The following MSL2 variants were observed in gnomAD, a reference collection of about 807,000 sequenced individuals.
The protein encoded by MSL2 is MSL complex subunit 2, also known as E3 ubiquitin-protein ligase MSL2.
In MSL2, 2 loss-of-function variants were observed where a neutral mutation model predicts 35.8. The ratio of observed to expected loss-of-function variants is 0.06; its 90% CI spans 0.02 to 0.18. The LOEUF is 0.18. Ranked by LOEUF, MSL2 falls within the 10% of genes least tolerant of loss-of-function variation. The pLI, the probability that MSL2 is intolerant of heterozygous loss-of-function variation, is 1.00. For missense variants in MSL2, 523 were observed against 706.7 expected, an observed-to-expected ratio of 0.74 and a Z score of 2.95; for synonymous variants, 296 against 255.7, an observed-to-expected ratio of 1.16 and a Z score of -1.50.
chr3:136,180,807 AGGGAAGGAG>A (rs1940331081), intron 1 of MSL2, among the ~76,000 whole-genome samples: 1 of 104,494 alleles, frequency 9.6e-6, no homozygotes, highest in Non-Finnish European at 2.0e-5. Flanking sequence ...GGAGGGAGGG[AGGGAAGGAG>A]GGAAGGAAGG....
At chr3:136,169,232 G>C (rs1187401519) in intron 1 of MSL2, among the ~76,000 whole-genome samples, 4 of 44,034 alleles carry the variant, frequency 9.1e-5, no homozygotes, top group East Asian at 6.0e-4. Context: ...TTGTTTTGGC[G>C]GGGGGGGGGG....
rs1559969215 is a variant in MSL2 at position 136,180,792 on chromosome 3, G to GGAAGGAA, written c.142+14179_142+14180insTTCCTTC. 2.1e-3 allele frequency among the ~76,000 whole-genome samples: 81 copies of GGAAGGAA among 37,728 alleles called. 1 individual carries two copies. The highest frequency in any genetic ancestry group is 6.0e-3 in the South Asian group (5 of 836). The allele number at this position is 37,728 out of a possible 152,430, so 24.8% of individuals were successfully genotyped here. A position where few individuals can be genotyped will look rare whatever the true frequency, so the allele number is the denominator to read the frequency against. The stretch of plus-strand genomic sequence containing the variant: ...AGGGAGGGAGGGAGGGAGGGAGGGA[G>GGAAGGAA]GGAGGGAGGGAGGGAGGGAAGGAGG... On this transcript the variant is annotated intron_variant, in intron 1 of 1. Coordinates refer to ENST00000309993, the MANE Select transcript of MSL2 (RefSeq NM_018133.4).
intron 1 of MSL2, among the ~76,000 whole-genome samples, chr3:136,178,596 A>T (rs1455316641): frequency 6.7e-6 from 1 of 149,134 alleles, no homozygotes; most frequent in Non-Finnish European, 1.5e-5. Flanking sequence ...GCAGTGCTGC[A>T]ATCTCAGCTC....
intron 1 of MSL2, among the ~76,000 whole-genome samples, chr3:136,184,245 C>G (rs1258023094): frequency 1.3e-5 from 2 of 150,986 alleles, no homozygotes; most frequent in African/African-American, 2.4e-5. Context: ...GCAGTGAACC[C>G]AGATGGTGCC....
chr3:136,194,650 G>A (rs1051211211), intron 1 of MSL2: 3 of 284,318 alleles, frequency 1.1e-5, no homozygotes, highest in African/African-American at 7.3e-5. Flanking sequence ...AGCTCCCGCG[G>A]CAAAGGTTTA....
chr3:136,194,297 C>T (rs1394388227), intron 1 of MSL2: 3 of 449,522 alleles, frequency 6.7e-6, no homozygotes, highest in East Asian at 1.6e-4. Flanking sequence ...CTACCCACCA[C>T]GAGTTAATTT....
At chr3:136,162,660 C>G (rs770872532) in intron 1 of MSL2, among the ~76,000 whole-genome samples, 1 of 152,182 alleles carries the variant, frequency 6.6e-6, no homozygotes, top group Non-Finnish European at 1.5e-5. Context: ...TGAGTTTAAT[C>G]TGTCTTATAG....
chr3:136,177,688 A>AG (rs1056491826), intron 1 of MSL2, among the ~76,000 whole-genome samples: 6 of 151,550 alleles, frequency 4.0e-5, no homozygotes, highest in African/African-American at 1.5e-4. Context: ...CATAAAAAAA[A>AG]AAAAAAAAAA....
intron 1 of MSL2, among the ~76,000 whole-genome samples, chr3:136,188,783 C>T (rs1368523582): frequency 2.0e-5 from 3 of 151,312 alleles, no homozygotes; most frequent in African/African-American, 7.3e-5. Flanking sequence ...CCAGCTCAAG[C>T]CCCACACCTA....
At position 136,153,058 on chromosome 3, in the gene MSL2, C is replaced by T; in HGVS notation, c.143-320G>A. ...AAGTTAAAGAGGTGAAGATCAGACA[C>T]CAGAAGCACAAACTAGGGTTAAAAC... On this transcript the variant is annotated intron_variant, in intron 1 of 1. Transcript: ENST00000309993. 9 of 985,344 alleles carry T rather than the reference C, an allele frequency of 9.1e-6. No homozygotes were observed. In the South Asian group the frequency reaches 1.9e-4, roughly 21 times the overall value. 61.0% of individuals were successfully genotyped at this position (985,344 alleles called of 1,614,324 possible). A position where few individuals can be genotyped will look rare whatever the true frequency, so the allele number is the denominator to read the frequency against.
intron 1 of MSL2, among the ~76,000 whole-genome samples, chr3:136,182,559 G>A (rs1330066295): frequency 2.6e-5 from 4 of 152,094 alleles, no homozygotes; most frequent in Non-Finnish European, 5.9e-5. Context: ...TGAGGGGGGT[G>A]GGGGAGAAAA....
intron 1 of MSL2, among the ~76,000 whole-genome samples, chr3:136,189,871 C>A (rs949729477): frequency 2.0e-5 from 3 of 152,064 alleles, no homozygotes; most frequent in African/African-American, 7.2e-5. Context: ...AATGCGCTTT[C>A]ATGGTTAATT....
intron 1 of MSL2, among the ~76,000 whole-genome samples, chr3:136,192,584 A>G (rs575719280): frequency 1.5e-5 from 2 of 137,198 alleles, no homozygotes; most frequent in Non-Finnish European, 3.0e-5. Context: ...AAGCAAAGAT[A>G]AAAAAAAAAA....
intron 1 of MSL2, among the ~76,000 whole-genome samples, chr3:136,167,202 T>C (rs1939876297): frequency 6.6e-6 from 1 of 152,080 alleles, no homozygotes; most frequent in Non-Finnish European, 1.5e-5. Context: ...AAATGTAACA[T>C]GGACAAATTA....
At chr3:136,181,390 T>C (rs1940357671) in intron 1 of MSL2, among the ~76,000 whole-genome samples, 1 of 152,184 alleles carries the variant, frequency 6.6e-6, no homozygotes, top group Non-Finnish European at 1.5e-5. Context: ...TATTAACTGG[T>C]TACAGCACCA....
intron 1 of MSL2, chr3:136,155,725 T>G (rs1358777941): frequency 4.0e-6 from 2 of 503,612 alleles, no homozygotes; most frequent in Non-Finnish European, 8.0e-6. Flanking sequence ...CTTTTGTGCC[T>G]GCTTCCCCTC....
chr3:136,168,775 A>G (rs539601606), intron 1 of MSL2, among the ~76,000 whole-genome samples: 12 of 152,150 alleles, frequency 7.9e-5, no homozygotes, highest in Non-Finnish European at 1.3e-4. Context: ...AAAACTCACC[A>G]AAGTTTTTAA....
At chr3:136,163,590 C>T (rs1036490947) in intron 1 of MSL2, among the ~76,000 whole-genome samples, 3 of 152,156 alleles carry the variant, frequency 2.0e-5, no homozygotes, top group African/African-American at 7.2e-5. Flanking sequence ...AATCAAGACT[C>T]GGGGCAAACC....
chr3:136,153,997 C>A (rs1442479589), intron 1 of MSL2, among the ~76,000 whole-genome samples: 1 of 151,720 alleles, frequency 6.6e-6, no homozygotes, highest in African/African-American at 2.4e-5. Context: ...GCAGGAGAAT[C>A]CCTTGAACCC....
Sources: gnomAD v4.1 joint callset for allele counts (sites outside exome capture counted in the v4.1 genomes callset) on GRCh38, gnomAD v4.1.1 for gene constraint, MANE v1.5 for transcripts, NCBI Gene and HGNC (gene_info 2026-07-23, HGNC 2026-07-21) for gene names.